IL37: variants seen among roughly 807,000 people sequenced by gnomAD.
IL37 encodes the protein interleukin-37.
A neutral mutation model predicts 15.4 loss-of-function variants in IL37; 15 were observed. That is an observed-to-expected ratio of 0.98 (90% CI 0.65 to 1.50). The LOEUF (loss-of-function observed/expected upper bound fraction) is 1.50. Among genes scored for constraint, IL37 ranks in the 40% most tolerant of loss-of-function variants. IL37 has a pLI of 0.00. For synonymous variants in IL37, 98 were observed against 97.4 expected, an observed-to-expected ratio of 1.01 and a Z score of -0.03; for missense variants, 269 against 261.7, an observed-to-expected ratio of 1.03 and a Z score of -0.19.
Position 112,918,762 on chromosome 2 carries a change from C to T in IL37, c.610C>T (p.Gln204Ter). 1.2e-6 allele frequency: 2 copies of T among 1,614,134 alleles called. No individual in the cohort carries two copies. The highest frequency in any genetic ancestry group is 1.7e-6 in the Non-Finnish European group (2 of 1,180,024). The change falls in exon 6 of 6, where the codon CAA (glutamine) becomes TAA (stop). Residue 204 changes from glutamine (Q) to a stop codon, truncating the protein, a stop_gained. Transcript: ENST00000263326. LOFTEE classifies it low-confidence loss of function (END_TRUNC). ...ENRKHIEFSF[Q>*]PVCKAEMSPS... ...CAGGAAACACATTGAATTTTCATTT[C>T]AACCAGTTTGCAAAGCTGAAATGAG...
intron 5 of IL37, among the ~76,000 whole-genome samples, chr2:112,918,199 A>AT (rs5833472): frequency 0.91 from 138,291 of 152,226 alleles, 64,032 homozygotes; most frequent in Non-Finnish European, 1. Context: ...TGGATGGAGC[A>AT]CCTTTCACTT....
chr2:112,918,514 T>C (rs1683375085), intron 5 of IL37, 47 bp from the exon 6 acceptor site: 2 of 1,565,356 alleles, frequency 1.3e-6, no homozygotes, highest in Non-Finnish European at 1.7e-6. Flanking sequence ...TGTGTTTTCC[T>C]CCCTCTCAAA....
intron 1 of IL37, among the ~76,000 whole-genome samples, chr2:112,912,388 G>A (rs1360108090): frequency 6.6e-6 from 1 of 152,128 alleles, no homozygotes; most frequent in East Asian, 1.9e-4. Context: ...GGGACATTTG[G>A]TGGCTTAGGT....
At position 112,912,975 on chromosome 2, in the gene IL37, A is replaced by C; in HGVS notation, c.-38A>C. 2.0e-6 allele frequency: 3 copies of C among 1,495,252 alleles called. No individual in the cohort carries two copies. Among genetic ancestry groups the C allele is most frequent in the Non-Finnish European group, 2.7e-6 (3 of 1,097,292 alleles). The allele number at this position is 1,495,252 out of a possible 1,614,324, so 92.6% of individuals were successfully genotyped here. A position where few individuals can be genotyped will look rare whatever the true frequency, so the allele number is the denominator to read the frequency against. On this transcript the variant is annotated 5_prime_UTR_variant, in exon 2 of 6. Coordinates refer to ENST00000263326, the MANE Select transcript of IL37 (RefSeq NM_014439.4). The stretch of plus-strand genomic sequence containing the variant: ...TCTATCTCCTTAGGTCTTGGACTTC[A>C]TTCCATTTTCTGTTGAGTAATAAAC...
Position 112,917,692 on chromosome 2 carries a change from C to T in IL37, c.323C>T (p.Pro108Leu), listed in dbSNP as rs2723187. The T allele has an allele frequency of 0.077, 124,738 of 1,610,572 alleles. 5,616 individuals are homozygous for T. Among genetic ancestry groups the T allele is most frequent in the African/African-American group, 0.17 (12,396 of 74,722 alleles). Residue 108 changes from proline to leucine, a missense_variant, in exon 5 of 6, where the codon CCG becomes CTG. Transcript: ENST00000263326. ...TCAGCCTCTGCGGAGAAAGGAAGTC[C>T]GATTCTCCTGGGGGTCTCTAAAGGG... ...LSSASAEKGSPILLGVSKGEF... is the reference protein window; with the variant it reads ...LSSASAEKGSLILLGVSKGEF...
intron 1 of IL37, among the ~76,000 whole-genome samples, 145 bp downstream of exon 1, chr2:112,911,393 A>T (rs1683175386): frequency 6.6e-6 from 1 of 152,186 alleles, no homozygotes; most frequent in Non-Finnish European, 1.5e-5. Context: ...CCTGCCCAGA[A>T]CACCTTGCTC....
chr2:112,915,342 A>C, intron 3 of IL37: 1 of 1,201,766 alleles, frequency 8.3e-7, no homozygotes, highest in African/African-American at 1.5e-5. Flanking sequence ...ACTGAATGAG[A>C]ATCTCAGGAG....
At chr2:112,911,988 C>T (rs962617172) in intron 1 of IL37, among the ~76,000 whole-genome samples, 22 of 152,310 alleles carry the variant, frequency 1.4e-4, no homozygotes, top group African/African-American at 5.1e-4. Context: ...GCTCTACCCA[C>T]CTGCTCCTGC....
Position 112,917,724 on chromosome 2 carries a change from T to G in IL37, c.355T>G (p.Cys119Gly). The G allele has an allele frequency of 6.2e-7, 1 of 1,614,150 alleles. No individual in the cohort carries two copies. The highest frequency in any genetic ancestry group is 1.1e-5 in the South Asian group (1 of 91,080). ...CCTGGGGGTCTCTAAAGGGGAGTTT[T>G]GTCTCTACTGTGACAAGGATAAAGG... ...ILLGVSKGEFCLYCDKDKGQS... is the reference protein window; with the variant it reads ...ILLGVSKGEFGLYCDKDKGQS... The change falls in exon 5 of 6, where the codon TGT becomes GGT. Residue 119 changes from cysteine to glycine, a missense_variant. Transcript: ENST00000263326.
At chr2:112,911,842 C>T (rs1445246149) in intron 1 of IL37, among the ~76,000 whole-genome samples, 2 of 152,276 alleles carry the variant, frequency 1.3e-5, no homozygotes, top group Middle Eastern at 3.4e-3. Flanking sequence ...CTCTGTCAAG[C>T]GCCTCCAATT....
At chr2:112,916,991 A>C in intron 3 of IL37, 138 bp from the exon 4 acceptor site, 10 of 925,754 alleles carry the variant, frequency 1.1e-5, no homozygotes, top group Non-Finnish European at 1.6e-5. Context: ...TGGGAGTGGA[A>C]GAAATATTCA....
intron 2 of IL37, 126 bp downstream of exon 2, chr2:112,913,220 C>T: frequency 1.8e-6 from 1 of 557,268 alleles, no homozygotes; most frequent in Non-Finnish European, 3.0e-6. Context: ...TTTCAAATTT[C>T]CCTGGACAAA....
At position 112,918,582 on chromosome 2, in the gene IL37, G is replaced by C. The variant is rs1297235003; in HGVS notation, c.430G>C (p.Ala144Pro). 5 of 1,611,334 alleles carry C rather than the reference G, an allele frequency of 3.1e-6. No homozygotes were observed. Among genetic ancestry groups the C allele is most frequent in the East Asian group, 2.2e-5 (1 of 44,862 alleles). Residue 144 changes from alanine to proline, a missense_variant, in exon 6 of 6, where the codon GCT becomes CCT. Transcript: ENST00000263326. ...ACAGAAGGAGAAACTGATGAAGCTG[G>C]CTGCCCAAAAGGAATCAGCACGCCG... ...QLKKEKLMKL[A>P]AQKESARRPF...
At chr2:112,916,187 C>G (rs1009228563) in intron 3 of IL37, among the ~76,000 whole-genome samples, 3 of 152,234 alleles carry the variant, frequency 2.0e-5, no homozygotes, top group African/African-American at 7.2e-5. Context: ...CATATTATAG[C>G]TTCACATAGT....
intron 3 of IL37, 67 bp downstream of exon 3, chr2:112,913,921 T>C (rs1341402807): frequency 1.3e-5 from 16 of 1,269,066 alleles, no homozygotes; most frequent in South Asian, 4.8e-5. Flanking sequence ...GATGGAGCCA[T>C]TGGGTCCTCT....
rs1683172124 is a variant in IL37 at position 112,911,265 on chromosome 2, C to A, written c.-51+17C>A. ...CTGGCCCAGGTAGGTGGTCCTCCTG[C>A]ACTGGCTTTCAAGGCCAACAGGATG... On this transcript the variant is annotated intron_variant, in intron 1 of 5. Coordinates refer to ENST00000263326, the MANE Select transcript of IL37 (RefSeq NM_014439.4). Among the ~76,000 whole-genome samples, 1 of 152,234 alleles carries A rather than the reference C, an allele frequency of 6.6e-6. No individual in the cohort carries two copies. Among genetic ancestry groups the A allele is most frequent in the African/African-American group, 2.4e-5 (1 of 41,454 alleles).
chr2:112,916,603 G>A (rs1465504564), intron 3 of IL37, among the ~76,000 whole-genome samples: 2 of 152,112 alleles, frequency 1.3e-5, no homozygotes, highest in African/African-American at 4.8e-5. Context: ...TTCCATCACC[G>A]CTCCCTTAGC....
intron 3 of IL37, 87 bp downstream of exon 3, chr2:112,913,941 G>A (rs3811048): frequency 0.66 from 710,497 of 1,069,946 alleles, 244,264 homozygotes; most frequent in East Asian, 0.81. Context: ...TTACAGGGTG[G>A]GAGAATTGTA....
intron 3 of IL37, among the ~76,000 whole-genome samples, chr2:112,916,187 C>T (rs1009228563): frequency 1.3e-5 from 2 of 152,234 alleles, no homozygotes; most frequent in Admixed American, 6.5e-5. Flanking sequence ...CATATTATAG[C>T]TTCACATAGT....
Sources: allele counts gnomAD v4.1 joint callset (sites outside exome capture counted in the v4.1 genomes callset), GRCh38; gene constraint gnomAD v4.1.1; transcripts MANE v1.5; gene names NCBI Gene and HGNC (gene_info 2026-07-23, HGNC 2026-07-21).